Variants in NPSR1 observed in about 807,000 individuals in gnomAD.
NPSR1 encodes neuropeptide S receptor 1, also known as neuropeptide S receptor.
NPSR1 carries 48 observed loss-of-function variants against 46.9 expected under a neutral mutation model. That is an observed-to-expected ratio of 1.02 (90% CI 0.81 to 1.30). The LOEUF is 1.30. Among genes scored for constraint, NPSR1 ranks in the 50% most tolerant of loss-of-function variants. The pLI, the probability that NPSR1 is intolerant of heterozygous loss-of-function variation, is 0.00. For synonymous variants in NPSR1, 176 were observed against 168.1 expected (o/e 1.05, Z -0.36); for missense variants, 450 against 449.5 (o/e 1.00, Z -0.01).
chr7:34,750,608 TCTATTATAGC>T, intron 2 of NPSR1: 1 of 684,352 alleles, frequency 1.5e-6, no homozygotes, highest in Non-Finnish European at 2.7e-6. Context: ...CTCAAATTCA[TCTATTATAGC>T]CTTGCCCTCA....
At chr7:34,673,426 C>T (rs1014089286) in intron 1 of NPSR1, among the ~76,000 whole-genome samples, 6 of 152,180 alleles carry the variant, frequency 3.9e-5, no homozygotes, top group African/African-American at 1.2e-4. Context: ...GTCATTTCTA[C>T]ACCAACATGT....
At chr7:34,711,197 T>C (rs1269625291) in intron 2 of NPSR1, 2 of 179,534 alleles carry the variant, frequency 1.1e-5, no homozygotes, top group African/African-American at 4.8e-5. Context: ...CCTGAAGTCA[T>C]TAAATGAACT....
At chr7:34,820,412 A>T (rs544759776) in intron 4 of NPSR1, among the ~76,000 whole-genome samples, 112 of 152,284 alleles carry the variant, frequency 7.4e-4, no homozygotes, top group African/African-American at 2.6e-3. Flanking sequence ...TTTTCTGGGC[A>T]CTGTAAAGCC....
chr7:34,743,362 C>T (rs1785044402), intron 2 of NPSR1, among the ~76,000 whole-genome samples: 1 of 151,734 alleles, frequency 6.6e-6, no homozygotes, highest in Admixed American at 6.6e-5. Context: ...CATCTTCTGC[C>T]TATGGCTTGC....
intron 2 of NPSR1, among the ~76,000 whole-genome samples, chr7:34,688,540 G>T (rs1311980660): frequency 6.6e-6 from 1 of 152,130 alleles, no homozygotes; most frequent in African/African-American, 2.4e-5. Flanking sequence ...AAAGAACTTG[G>T]TGTAGTGGCA....
chr7:34,851,527 T>C (rs1790934947), downstream of NPSR1, among the ~76,000 whole-genome samples: 1 of 152,198 alleles, frequency 6.6e-6, no homozygotes, highest in South Asian at 2.1e-4. Flanking sequence ...GCTTTGAGCA[T>C]TTGAGAAATG....
At position 34,848,475 on chromosome 7, in the gene NPSR1, TC is replaced by T. The variant is rs1562771584; in HGVS notation, c.845-3del. 1 of 1,613,586 alleles carries T rather than the reference TC, an allele frequency of 6.2e-7. No homozygotes were observed. Among genetic ancestry groups the T allele is most frequent in the South Asian group, 1.1e-5 (1 of 90,984 alleles). On this transcript the variant is annotated splice_region_variant and splice_polypyrimidine_tract_variant and intron_variant, in intron 7 of 8. Coordinates refer to ENST00000360581, the MANE Select transcript of NPSR1 (RefSeq NM_207172.2). Reference sequence around the variant, plus strand: ...TGCTGTGATGCTAATGGCTCTCTTCTCCCCCAGCCTTCATCTGCTGTTGGAG... The same window carrying T: ...TGCTGTGATGCTAATGGCTCTCTTCTCCCCAGCCTTCATCTGCTGTTGGAG...
At chr7:34,703,007 G>A (rs1793912852) in intron 2 of NPSR1, among the ~76,000 whole-genome samples, 1 of 152,206 alleles carries the variant, frequency 6.6e-6, no homozygotes, top group South Asian at 2.1e-4. Context: ...TTTGAGAGCA[G>A]AGATTCTCTC....
intron 2 of NPSR1, among the ~76,000 whole-genome samples, chr7:34,769,978 GC>G (rs773715430): frequency 2.6e-5 from 4 of 152,306 alleles, no homozygotes; most frequent in Non-Finnish European, 5.9e-5. Flanking sequence ...TAACTAAATA[GC>G]TTTTTACTGA....
rs66886501 is a variant in NPSR1 at position 34,686,960 on chromosome 7, CAAAAAAAA to C, written c.280+2290_280+2297del. Among the ~76,000 whole-genome samples, 7 of 94,206 alleles carry C rather than the reference CAAAAAAAA, an allele frequency of 7.4e-5. No homozygotes were observed. In the Admixed American group the frequency reaches 8.4e-4, roughly 11 times the overall value. 61.8% of individuals were successfully genotyped at this position (94,206 alleles called of 152,430 possible). ...TGGGCGACAGAGTGAGACTCCGTCT[CAAAAAAAA>C]AAAAAAAAAAAAAGAAATGTCTCAG... On this transcript the variant is annotated intron_variant, in intron 2 of 8. Transcript: ENST00000360581.
intron 1 of NPSR1, among the ~76,000 whole-genome samples, chr7:34,673,608 T>C (rs1480633442): frequency 1.3e-5 from 2 of 152,094 alleles, no homozygotes; most frequent in Non-Finnish European, 2.9e-5. Context: ...TCACATTCCC[T>C]ATTCTTCATG....
At chr7:34,794,116 T>C (rs994923876) in intron 3 of NPSR1, among the ~76,000 whole-genome samples, 5 of 152,076 alleles carry the variant, frequency 3.3e-5, no homozygotes, top group Admixed American at 3.3e-4. Context: ...GAGTACAATG[T>C]TAAAGTTAAA....
chr7:34,817,777 T>C (rs1383959862), intron 4 of NPSR1, among the ~76,000 whole-genome samples: 1 of 152,144 alleles, frequency 6.6e-6, no homozygotes, highest in East Asian at 1.9e-4. Flanking sequence ...TGCAAATTGA[T>C]AAACGTAATC....
At chr7:34,671,946 A>G (rs1274371415) in intron 1 of NPSR1, among the ~76,000 whole-genome samples, 1 of 152,202 alleles carries the variant, frequency 6.6e-6, no homozygotes, top group Non-Finnish European at 1.5e-5. Flanking sequence ...TAGCACCTCC[A>G]GAACAGAAAA....
intron 2 of NPSR1, chr7:34,758,032 T>A (rs187808518): frequency 6.5e-6 from 1 of 152,772 alleles, no homozygotes; most frequent in East Asian, 1.9e-4. Flanking sequence ...GGTGTTTCAA[T>A]CCCAGCTCCC....
chr7:34,834,265 A>T, intron 5 of NPSR1, 119 bp from the exon 6 acceptor site: 1 of 746,580 alleles, frequency 1.3e-6, no homozygotes, highest in Non-Finnish European at 2.4e-6. Flanking sequence ...GGGGGCAGGC[A>T]TGGTTAAAAG....
intron 3 of NPSR1, among the ~76,000 whole-genome samples, chr7:34,805,450 A>T (rs1215348290): frequency 2.2e-5 from 3 of 133,968 alleles, no homozygotes; most frequent in Non-Finnish European, 4.7e-5. Context: ...TGGCTGTCTT[A>T]GTTGAAAGAG....
intron 2 of NPSR1, among the ~76,000 whole-genome samples, chr7:34,747,320 C>T (rs1044169063): frequency 1.3e-5 from 2 of 152,120 alleles, no homozygotes; most frequent in South Asian, 4.1e-4. Flanking sequence ...GGGCCCTCTT[C>T]TGCATATTGA....
At chr7:34,788,527 T>C (rs553115874) in intron 3 of NPSR1, among the ~76,000 whole-genome samples, 52 of 152,148 alleles carry the variant, frequency 3.4e-4, no homozygotes, top group African/African-American at 1.1e-3. Context: ...TTACATCACA[T>C]AGAATAGACT....
Sources: gnomAD v4.1 joint callset for allele counts (sites outside exome capture counted in the v4.1 genomes callset) on GRCh38, gnomAD v4.1.1 for gene constraint, MANE v1.5 for transcripts, NCBI Gene and HGNC (gene_info 2026-07-23, HGNC 2026-07-21) for gene names.